The following SOX5 variants were observed in gnomAD, a reference collection of about 807,000 sequenced individuals.
SOX5 encodes the protein SRY-box transcription factor 5.
Under a neutral mutation model 92.0 loss-of-function variants are expected in SOX5, and 9 were observed. The ratio of observed to expected loss-of-function variants is 0.10; its 90% CI spans 0.06 to 0.17. The LOEUF is 0.17. SOX5 is among the 10% of genes least tolerant of loss of function. The pLI is 1.00. For synonymous variants in SOX5, 344 were observed against 336.3 expected, an observed-to-expected ratio of 1.02 and a Z score of -0.25; for missense variants, 642 against 944.5, an observed-to-expected ratio of 0.68 and a Z score of 4.20.
chr12:24,171,554 T>C (rs1056941236), intron 4 of SOX5, among the ~76,000 whole-genome samples: 1 of 152,114 alleles, frequency 6.6e-6, no homozygotes, highest in Non-Finnish European at 1.5e-5. Context: ...GTGTTGACTA[T>C]GATTTGCTCA....
At chr12:23,789,002 A>G (rs1222276752) in intron 3 of SOX5, among the ~76,000 whole-genome samples, 1 of 152,000 alleles carries the variant, frequency 6.6e-6, no homozygotes, top group African/African-American at 2.4e-5. Context: ...TCTGCCAATG[A>G]ATCTTTTCTT....
chr12:23,714,215 A>T (rs1300061170), intron 6 of SOX5, among the ~76,000 whole-genome samples: 1 of 152,198 alleles, frequency 6.6e-6, no homozygotes, highest in Non-Finnish European at 1.5e-5. Context: ...TTTCTTCTAA[A>T]TAGTTATCTA....
intron 4 of SOX5, among the ~76,000 whole-genome samples, chr12:24,068,400 G>A (rs1358733604): frequency 6.6e-6 from 1 of 151,532 alleles, no homozygotes; most frequent in African/African-American, 2.4e-5. Flanking sequence ...AGCATTTTTG[G>A]GAAAAAAAGA....
intron 2 of SOX5, 101 bp downstream of exon 2, chr12:23,895,692 A>T: frequency 1.3e-6 from 1 of 764,752 alleles, no homozygotes; most frequent in Non-Finnish European, 2.3e-6. Context: ...ATGGGTTCTT[A>T]AGTAGATGTT....
chr12:23,543,053 C>T (rs55796733), intron 13 of SOX5, among the ~76,000 whole-genome samples, 158 bp downstream of exon 13: 22 of 152,230 alleles, frequency 1.4e-4, no homozygotes, highest in Middle Eastern at 3.4e-3. Flanking sequence ...ACATAGAATG[C>T]TTCATCACCA....
intron 1 of SOX5, among the ~76,000 whole-genome samples, chr12:24,455,269 C>T (rs899302975): frequency 6.6e-6 from 1 of 152,056 alleles, no homozygotes; most frequent in African/African-American, 2.4e-5. Context: ...GGAAGAGTTC[C>T]TCTATTTGAA....
chr12:24,022,967 A>G (rs932134021), intron 4 of SOX5, among the ~76,000 whole-genome samples: 4 of 151,860 alleles, frequency 2.6e-5, no homozygotes, highest in South Asian at 2.1e-4. Context: ...TTTTATTGCT[A>G]TTGTTTGGGT....
chr12:24,191,333 G>C (rs1956504140), intron 4 of SOX5, among the ~76,000 whole-genome samples: 1 of 152,158 alleles, frequency 6.6e-6, no homozygotes, highest in Admixed American at 6.5e-5. Context: ...TAGTTTCCAT[G>C]ATTTTTACCT....
intron 4 of SOX5, among the ~76,000 whole-genome samples, chr12:24,001,239 C>T (rs1024272920): frequency 3.3e-5 from 5 of 152,172 alleles, no homozygotes; most frequent in Non-Finnish European, 5.9e-5. Flanking sequence ...CACAGGTGCA[C>T]ATCACCAGGT....
intron 3 of SOX5, among the ~76,000 whole-genome samples, chr12:24,247,660 T>A (rs961364230): frequency 1.3e-4 from 19 of 147,248 alleles, no homozygotes; most frequent in African/African-American, 4.5e-4. Context: ...TTTTTTTTTT[T>A]TTTTTTTTGA....
chr12:23,853,503 A>G (rs2136219016), intron 2 of SOX5, among the ~76,000 whole-genome samples: 1 of 145,562 alleles, frequency 6.9e-6, no homozygotes, highest in Middle Eastern at 3.6e-3. Context: ...AAATATCTTT[A>G]TTTTCATGTA....
At chr12:24,054,910 GTTAT>G (rs1458459078) in intron 4 of SOX5, among the ~76,000 whole-genome samples, 1 of 152,170 alleles carries the variant, frequency 6.6e-6, no homozygotes, top group African/African-American at 2.4e-5. Flanking sequence ...AGTTACAACT[GTTAT>G]TTGTGGGGAG....
At chr12:23,543,472 ATCTG>A in intron 12 of SOX5, 88 bp from the exon 13 acceptor site, 3 of 991,452 alleles carry the variant, frequency 3.0e-6, no homozygotes, top group Admixed American at 4.4e-5. Flanking sequence ...CTATTAAGAT[ATCTG>A]AAAAGAAAAA....
intron 8 of SOX5, among the ~76,000 whole-genome samples, chr12:23,617,054 G>T (rs903021137): frequency 4.0e-5 from 6 of 149,554 alleles, no homozygotes; most frequent in African/African-American, 1.5e-4. Flanking sequence ...GAGCCCAGCA[G>T]TTCAAGGCTG....
At chr12:23,588,058 T>C (rs575755433) in intron 9 of SOX5, among the ~76,000 whole-genome samples, 1 of 152,228 alleles carries the variant, frequency 6.6e-6, no homozygotes. Flanking sequence ...AGAGAACTGA[T>C]GTCTTTAAAG....
At chr12:23,943,432 T>G (rs554888898) in intron 1 of SOX5, among the ~76,000 whole-genome samples, 1 of 152,014 alleles carries the variant, frequency 6.6e-6, no homozygotes, top group Admixed American at 6.6e-5. Flanking sequence ...CAGATAAAAA[T>G]TCATCACGAC....
At chr12:24,324,795 G>A (rs1424370652) in intron 2 of SOX5, among the ~76,000 whole-genome samples, 2 of 151,958 alleles carry the variant, frequency 1.3e-5, no homozygotes, top group African/African-American at 2.4e-5. Context: ...AAGTTTCAAC[G>A]AATTAATACA....
chr12:23,605,184 C>T (rs2075089341), intron 8 of SOX5, among the ~76,000 whole-genome samples: 1 of 151,936 alleles, frequency 6.6e-6, no homozygotes, highest in Admixed American at 6.6e-5. Flanking sequence ...AAGAATACTG[C>T]CTAAAACACA....
intron 14 of SOX5, 59 bp downstream of exon 14, chr12:23,536,394 A>G (rs1940459562): frequency 2.4e-6 from 3 of 1,267,110 alleles, no homozygotes; most frequent in Non-Finnish European, 3.5e-6. Context: ...TATGTTTCAC[A>G]TCCCATTAAG....
Sources: allele counts gnomAD v4.1 joint callset (sites outside exome capture counted in the v4.1 genomes callset), GRCh38; gene constraint gnomAD v4.1.1; transcripts MANE v1.5; gene names NCBI Gene and HGNC (gene_info 2026-07-23, HGNC 2026-07-21).